ARHGAP26: variants seen among roughly 807,000 people sequenced by gnomAD.
The protein encoded by ARHGAP26 is rho GTPase-activating protein 26.
A neutral mutation model predicts 104.8 loss-of-function variants in ARHGAP26; 38 were observed. That is an observed-to-expected ratio of 0.36 (90% CI 0.28 to 0.48). The LOEUF is 0.48. Among genes scored for constraint, ARHGAP26 ranks in the 20% least tolerant of loss-of-function variants. The pLI is 0.99. For synonymous variants in ARHGAP26, 341 were observed against 340.0 expected, an observed-to-expected ratio of 1.00 and a Z score of -0.03; for missense variants, 704 against 947.9, an observed-to-expected ratio of 0.74 and a Z score of 3.38.
intron 22 of ARHGAP26, among the ~76,000 whole-genome samples, chr5:143,221,059 G>A (rs112497280): frequency 6.6e-6 from 1 of 152,214 alleles, no homozygotes; most frequent in African/African-American, 2.4e-5. Flanking sequence ...AAGAGTAAAT[G>A]TCCTGCCTCA....
At chr5:143,202,926 CA>C (rs1262208774) in intron 20 of ARHGAP26, 1 of 152,070 alleles carries the variant, frequency 6.6e-6, no homozygotes, top group African/African-American at 2.4e-5. Flanking sequence ...AAAATTAGCT[CA>C]AGATGGATTA....
At chr5:143,050,564 G>A (rs1222603782) in intron 14 of ARHGAP26, among the ~76,000 whole-genome samples, 1 of 151,938 alleles carries the variant, frequency 6.6e-6, no homozygotes, top group Admixed American at 6.6e-5. Context: ...TTCACAGAGT[G>A]GCATAAATAA....
intron 5 of ARHGAP26, among the ~76,000 whole-genome samples, chr5:142,888,284 G>T (rs201923814): frequency 1.3e-5 from 2 of 152,146 alleles, no homozygotes; most frequent in African/African-American, 4.8e-5. Context: ...GCTTTTCTAC[G>T]TCTCTATCTG....
At chr5:143,208,401 A>G (rs1022598014) in intron 21 of ARHGAP26, among the ~76,000 whole-genome samples, 2 of 152,226 alleles carry the variant, frequency 1.3e-5, no homozygotes, top group African/African-American at 4.8e-5. Context: ...TCCAGCAGAG[A>G]GGCTTAAATA....
At chr5:143,038,779 T>TC (rs201456767) in intron 13 of ARHGAP26, among the ~76,000 whole-genome samples, 4,018 of 126,652 alleles carry the variant, frequency 0.032, 75 homozygotes, top group Non-Finnish European at 0.044. Context: ...CACTGCAAAC[T>TC]CCAACTCCCT....
At chr5:143,112,395 C>A (rs573722532) in intron 17 of ARHGAP26, among the ~76,000 whole-genome samples, 3 of 152,188 alleles carry the variant, frequency 2.0e-5, no homozygotes, top group South Asian at 2.1e-4. Context: ...AGAGGAGGGC[C>A]TTGAGAGGTC....
At chr5:142,953,552 C>T (rs1768724564) in intron 11 of ARHGAP26, among the ~76,000 whole-genome samples, 1 of 152,182 alleles carries the variant, frequency 6.6e-6, no homozygotes, top group South Asian at 2.1e-4. Context: ...CTGCTTGTTT[C>T]ACCACCTTCT....
chr5:142,864,318 A>G (rs1351075700), intron 1 of ARHGAP26, among the ~76,000 whole-genome samples: 1 of 152,204 alleles, frequency 6.6e-6, no homozygotes, highest in Non-Finnish European at 1.5e-5. Flanking sequence ...TGATGATAGC[A>G]CTGTTTCCCC....
At chr5:143,116,022 G>GT (rs1795391057) in intron 17 of ARHGAP26, among the ~76,000 whole-genome samples, 1 of 152,182 alleles carries the variant, frequency 6.6e-6, no homozygotes, top group African/African-American at 2.4e-5. Context: ...GATGGGAATA[G>GT]AAATATCAGA....
chr5:142,895,491 A>G (rs1759343800), intron 6 of ARHGAP26, among the ~76,000 whole-genome samples: 1 of 152,112 alleles, frequency 6.6e-6, no homozygotes, highest in African/African-American at 2.4e-5. Flanking sequence ...CGGCCTCCCA[A>G]AGTGCTGGGA....
At chr5:143,190,036 A>C (rs764775037) in intron 20 of ARHGAP26, among the ~76,000 whole-genome samples, 18 of 95,032 alleles carry the variant, frequency 1.9e-4, no homozygotes, top group Non-Finnish European at 3.0e-4. Flanking sequence ...GAGGGGGGGG[A>C]AAAAAAAAAA....
At chr5:143,171,638 A>G (rs1389273211) in intron 20 of ARHGAP26, among the ~76,000 whole-genome samples, 1 of 152,178 alleles carries the variant, frequency 6.6e-6, no homozygotes, top group Non-Finnish European at 1.5e-5. Context: ...TAAGCATTCC[A>G]TAACTCTCCA....
Position 143,207,191 on chromosome 5 carries a change from C to G in ARHGAP26, c.1989-7C>G. On this transcript the variant is annotated splice_polypyrimidine_tract_variant and splice_region_variant and intron_variant, in intron 20 of 22. Coordinates refer to ENST00000645722, the MANE Select transcript of ARHGAP26 (RefSeq NM_001135608.3). Reference sequence around the variant, plus strand: ...CTGACAAGTTTTCTGGTTGTTATGTCTTGCAGCCCCCCGAATCCAAGCCCA... The same window carrying G: ...CTGACAAGTTTTCTGGTTGTTATGTGTTGCAGCCCCCCGAATCCAAGCCCA... 1 of 1,612,144 alleles carries G rather than the reference C, an allele frequency of 6.2e-7. No homozygotes were observed. Among genetic ancestry groups the G allele is most frequent in the Non-Finnish European group, 8.5e-7 (1 of 1,178,848 alleles).
intron 20 of ARHGAP26, among the ~76,000 whole-genome samples, chr5:143,198,009 T>C (rs1807134622): frequency 6.6e-6 from 1 of 152,228 alleles, no homozygotes; most frequent in Non-Finnish European, 1.5e-5. Flanking sequence ...GAGGCAGTCA[T>C]AGTTTCTTGC....
intron 11 of ARHGAP26, chr5:142,946,949 C>G (rs1349646520): frequency 6.6e-6 from 1 of 152,086 alleles, no homozygotes; most frequent in Admixed American, 6.5e-5. Context: ...AACGTGCGGT[C>G]TAGTGGTTAT....
intron 13 of ARHGAP26, among the ~76,000 whole-genome samples, chr5:143,038,824 T>A (rs575332176): frequency 6.6e-6 from 1 of 150,808 alleles, no homozygotes; most frequent in African/African-American, 2.4e-5. Flanking sequence ...GCCTCCTGAG[T>A]AGCTGGGATT....
intron 20 of ARHGAP26, among the ~76,000 whole-genome samples, chr5:143,161,149 T>C (rs1263416703): frequency 6.6e-6 from 1 of 151,936 alleles, no homozygotes; most frequent in Non-Finnish European, 1.5e-5. Context: ...GTAGCTGGGA[T>C]TACAGGCACG....
chr5:142,978,518 A>G (rs986528426), intron 11 of ARHGAP26, among the ~76,000 whole-genome samples: 1 of 152,148 alleles, frequency 6.6e-6, no homozygotes, highest in African/African-American at 2.4e-5. Context: ...GTTTCAGACA[A>G]CCTGGGTTGA....
At chr5:142,811,240 G>A (rs954864830) in intron 1 of ARHGAP26, among the ~76,000 whole-genome samples, 1 of 151,974 alleles carries the variant, frequency 6.6e-6, no homozygotes, top group Non-Finnish European at 1.5e-5. Flanking sequence ...ATCATCTATA[G>A]GCACTGGCCC....
Sources: gnomAD v4.1 joint callset for allele counts (sites outside exome capture counted in the v4.1 genomes callset) on GRCh38, gnomAD v4.1.1 for gene constraint, MANE v1.5 for transcripts, NCBI Gene and HGNC (gene_info 2026-07-23, HGNC 2026-07-21) for gene names.